KIAA1328: variants seen among roughly 807,000 people sequenced by gnomAD.
KIAA1328 encodes protein hinderin.
Under a neutral mutation model 68.1 loss-of-function variants are expected in KIAA1328, and 52 were observed. The observed-to-expected ratio is 0.76, with a 90% CI of 0.61 to 0.96. The LOEUF (loss-of-function observed/expected upper bound fraction) is 0.96, where lower values mean the gene tolerates loss of function less well. KIAA1328 is among the 40% of genes least tolerant of loss of function. The pLI, the probability that KIAA1328 is intolerant of heterozygous loss-of-function variation, is 0.00. For missense variants in KIAA1328, 641 were observed against 677.6 expected (o/e 0.95, Z 0.60); for synonymous variants, 232 against 239.4 (o/e 0.97, Z 0.28).
At chr18:36,905,292 T>C (rs557900437) in intron 5 of KIAA1328, among the ~76,000 whole-genome samples, 90 of 151,972 alleles carry the variant, frequency 5.9e-4, no homozygotes, top group Middle Eastern at 3.4e-3. Flanking sequence ...TTTATGTTTT[T>C]AGTAGAGATG....
At chr18:36,985,211 G>T (rs1409194181) in intron 6 of KIAA1328, among the ~76,000 whole-genome samples, 2 of 152,032 alleles carry the variant, frequency 1.3e-5, no homozygotes, top group Non-Finnish European at 2.9e-5. Flanking sequence ...GAGGCAGGAG[G>T]ATTGCTTGAG....
rs574976069 is a variant in KIAA1328, at chr18:37,193,566, G to T, written c.1523+20485G>T. ...CTATTTAATCCTTGAACCACTCATG[G>T]ACATTTTAATTTATTTATTCCTAGC... On this transcript the variant is annotated intron_variant, in intron 9 of 9. Transcript: ENST00000280020. The T allele has an allele frequency of 5.7e-6, 4 of 702,302 alleles. No homozygotes were observed. The East Asian group carries it at 1.1e-4, about 19-fold the overall frequency. 43.5% of individuals were successfully genotyped at this position (702,302 alleles called of 1,614,324 possible). A position where few individuals can be genotyped will look rare whatever the true frequency, so the allele number is the denominator to read the frequency against.
At chr18:37,008,415 A>G (rs1235605328) in intron 6 of KIAA1328, among the ~76,000 whole-genome samples, 1 of 152,194 alleles carries the variant, frequency 6.6e-6, no homozygotes, top group Admixed American at 6.5e-5. Flanking sequence ...AACAACAACA[A>G]AATATGCTCT....
At chr18:36,885,433 A>G (rs955031029) in intron 4 of KIAA1328, 124 bp from the exon 5 acceptor site, 2 of 539,058 alleles carry the variant, frequency 3.7e-6, no homozygotes, top group Non-Finnish European at 6.5e-6. Context: ...AACAAAACAG[A>G]ACAGAGTGTT....
chr18:37,217,070 G>A (rs1450988916), intron 9 of KIAA1328, among the ~76,000 whole-genome samples: 2 of 148,034 alleles, frequency 1.4e-5, no homozygotes, highest in East Asian at 2.0e-4. Context: ...GTCTCTGCAC[G>A]TGAGATGAGT....
intron 7 of KIAA1328, among the ~76,000 whole-genome samples, chr18:37,104,969 C>CT (rs1175645544): frequency 1.3e-5 from 2 of 152,196 alleles, no homozygotes; most frequent in African/African-American, 4.8e-5. Flanking sequence ...CATAGCAACT[C>CT]TTTTCCGGTT....
intron 7 of KIAA1328, among the ~76,000 whole-genome samples, chr18:37,121,687 A>G (rs1165834175): frequency 6.6e-6 from 1 of 152,160 alleles, no homozygotes; most frequent in Non-Finnish European, 1.5e-5. Flanking sequence ...AGTTAAGACA[A>G]TGTTAAAGTG....
At chr18:37,106,836 C>T (rs2057790217) in intron 7 of KIAA1328, among the ~76,000 whole-genome samples, 1 of 152,164 alleles carries the variant, frequency 6.6e-6, no homozygotes, top group African/African-American at 2.4e-5. Flanking sequence ...TCACTAAGAA[C>T]AAAATAATGT....
At chr18:36,850,516 C>G (rs1419882042) in intron 4 of KIAA1328, among the ~76,000 whole-genome samples, 1 of 152,100 alleles carries the variant, frequency 6.6e-6, no homozygotes, top group African/African-American at 2.4e-5. Flanking sequence ...TTTTCCTATA[C>G]TTACATACCT....
chr18:37,080,504 C>T lies in KIAA1328; in HGVS notation c.1232+12959C>T, dbSNP rs147455481. Reference sequence around the variant, plus strand: ...AGAACTAGTCATGCTGGGCCGGGCGCGGTGGCTCACGCCTATAATCCCAGC... The same window carrying T: ...AGAACTAGTCATGCTGGGCCGGGCGTGGTGGCTCACGCCTATAATCCCAGC... On this transcript the variant is annotated intron_variant, in intron 7 of 9. Transcript: ENST00000280020. 2.6e-3 allele frequency among the ~76,000 whole-genome samples: 393 copies of T among 152,132 alleles called. 3 individuals are homozygous for T. Among genetic ancestry groups the T allele is most frequent in the African/African-American group, 9.0e-3 (373 of 41,504 alleles).
At chr18:36,834,191 T>C (rs2046593918) in intron 1 of KIAA1328, 129 bp from the exon 2 acceptor site, 1 of 1,227,424 alleles carries the variant, frequency 8.1e-7, no homozygotes, top group East Asian at 3.1e-5. Flanking sequence ...TTTCTAACTT[T>C]GTTTTTAAAA....
chr18:37,197,096 G>A (rs2060017988), intron 9 of KIAA1328, among the ~76,000 whole-genome samples: 1 of 151,886 alleles, frequency 6.6e-6, no homozygotes, highest in African/African-American at 2.4e-5. Context: ...TGTTTGTAAT[G>A]GTCTTTTATA....
At chr18:37,024,375 TTA>T (rs56007377) in intron 6 of KIAA1328, among the ~76,000 whole-genome samples, 3 of 146,184 alleles carry the variant, frequency 2.1e-5, no homozygotes, top group African/African-American at 7.5e-5. Flanking sequence ...TTACTTTATT[TTA>T]TATATATATA....
chr18:37,014,514 AAAG>A (rs1396588882), intron 6 of KIAA1328, among the ~76,000 whole-genome samples: 1 of 152,176 alleles, frequency 6.6e-6, no homozygotes, highest in Admixed American at 6.5e-5. Context: ...GGTAATTTAT[AAAG>A]AAGAGTTTTA....
chr18:37,214,848 C>G (rs1169305617), intron 9 of KIAA1328, among the ~76,000 whole-genome samples: 1 of 152,136 alleles, frequency 6.6e-6, no homozygotes, highest in African/African-American at 2.4e-5. Flanking sequence ...TTGTAGTTCT[C>G]CTTGAAGAGG....
chr18:37,052,355 G>A (rs1178074209), intron 6 of KIAA1328, among the ~76,000 whole-genome samples: 1 of 151,982 alleles, frequency 6.6e-6, no homozygotes, highest in Non-Finnish European at 1.5e-5. Context: ...AATAAAAAGA[G>A]GAACTTACGA....
chr18:36,890,144 C>G (rs2048631898), intron 5 of KIAA1328, among the ~76,000 whole-genome samples: 1 of 151,510 alleles, frequency 6.6e-6, no homozygotes, highest in Admixed American at 6.6e-5. Flanking sequence ...ATCCTTGAGC[C>G]CATTACATGG....
intron 5 of KIAA1328, among the ~76,000 whole-genome samples, chr18:36,914,266 A>G (rs747767241): frequency 3.3e-5 from 5 of 152,198 alleles, no homozygotes; most frequent in Non-Finnish European, 7.3e-5. Context: ...CATGTGTTCC[A>G]TAAGGGAAGG....
downstream of KIAA1328, among the ~76,000 whole-genome samples, chr18:37,227,595 C>T (rs764269604): frequency 6.6e-6 from 1 of 152,238 alleles, no homozygotes; most frequent in African/African-American, 2.4e-5. Flanking sequence ...CATAGCAGCA[C>T]ATCTGTTTAC....
Sources: allele counts gnomAD v4.1 joint callset (sites outside exome capture counted in the v4.1 genomes callset), GRCh38; gene constraint gnomAD v4.1.1; transcripts MANE v1.5; gene names NCBI Gene and HGNC (gene_info 2026-07-23, HGNC 2026-07-21).